VTI1A: variants seen among roughly 807,000 people sequenced by gnomAD.
The protein encoded by VTI1A is vesicle transport through interaction with t-SNAREs homolog 1A.
A neutral mutation model predicts 34.9 loss-of-function variants in VTI1A; 22 were observed. The observed-to-expected ratio is 0.63, with a 90% confidence interval of 0.45 to 0.90. The LOEUF is 0.90. VTI1A is among the 40% of genes least tolerant of loss of function. The pLI is 0.00. For missense variants in VTI1A, 268 were observed against 275.6 expected, an observed-to-expected ratio of 0.97 and a Z score of 0.20; for synonymous variants, 87 against 97.3, an observed-to-expected ratio of 0.89 and a Z score of 0.62.
intron 3 of VTI1A, among the ~76,000 whole-genome samples, chr10:112,491,850 A>G (rs911744033): frequency 7.9e-5 from 12 of 152,302 alleles, no homozygotes; most frequent in African/African-American, 2.9e-4. Context: ...CCACTTTTCC[A>G]GGAGCCTGTT....
intron 7 of VTI1A, among the ~76,000 whole-genome samples, chr10:112,770,051 C>G (rs1384913051): frequency 2.0e-5 from 3 of 151,182 alleles, no homozygotes; most frequent in African/African-American, 7.3e-5. Flanking sequence ...ATGTTGGCAA[C>G]GATTTTTTTT....
chr10:112,813,051 C>T (rs1389321253), intron 7 of VTI1A, among the ~76,000 whole-genome samples: 5 of 152,190 alleles, frequency 3.3e-5, no homozygotes, highest in Non-Finnish European at 5.9e-5. Context: ...GTGTGCAACG[C>T]GACTGTGCCA....
the VTI1A span, among the ~76,000 whole-genome samples, chr10:112,830,223 A>G: frequency 6.6e-6 from 1 of 152,104 alleles, no homozygotes; most frequent in Admixed American, 6.5e-5. Flanking sequence ...CTGACTTGGC[A>G]TAGCCTTTCG....
At chr10:112,784,663 C>T (rs1489126541) in intron 7 of VTI1A, among the ~76,000 whole-genome samples, 1 of 152,166 alleles carries the variant, frequency 6.6e-6, no homozygotes, top group African/African-American at 2.4e-5. Flanking sequence ...TGTACTTAGC[C>T]TGTTCACAAA....
chr10:112,600,319 T>A (rs1844832866), intron 5 of VTI1A, among the ~76,000 whole-genome samples: 1 of 152,224 alleles, frequency 6.6e-6, no homozygotes, highest in African/African-American at 2.4e-5. Flanking sequence ...AAGGATCTTC[T>A]GATCAAAACT....
intron 7 of VTI1A, chr10:112,736,700 G>A: frequency 6.4e-7 from 1 of 1,551,684 alleles, no homozygotes; most frequent in Non-Finnish European, 8.7e-7. Context: ...TGCTACATAA[G>A]GATTTCTCTT....
the VTI1A span, among the ~76,000 whole-genome samples, chr10:112,829,137 A>T: frequency 6.6e-6 from 1 of 152,076 alleles, no homozygotes; most frequent in African/African-American, 2.4e-5. Context: ...CATTTGAAAC[A>T]TTGATTTTTA....
chr10:112,537,902 A>G (rs968974501), intron 4 of VTI1A, among the ~76,000 whole-genome samples: 1 of 152,212 alleles, frequency 6.6e-6, no homozygotes, highest in African/African-American at 2.4e-5. Context: ...TAGGGAACGT[A>G]GATCTATGCA....
At chr10:112,772,594 A>G (rs189207805) in intron 7 of VTI1A, among the ~76,000 whole-genome samples, 1 of 152,332 alleles carries the variant, frequency 6.6e-6, no homozygotes, top group East Asian at 1.9e-4. Context: ...TTGGTGTCAC[A>G]TCTAAGAGTC....
At chr10:112,626,929 T>C (rs1845943813) in intron 5 of VTI1A, among the ~76,000 whole-genome samples, 1 of 152,242 alleles carries the variant, frequency 6.6e-6, no homozygotes, top group Admixed American at 6.5e-5. Context: ...CAGACTGGTA[T>C]AGTGTTTAAC....
the VTI1A span, chr10:112,831,149 G>T: frequency 7.2e-5 from 11 of 152,008 alleles, no homozygotes; most frequent in Admixed American, 7.2e-4. Flanking sequence ...GTGGCACATA[G>T]TGAGTTCTCA....
At position 112,676,397 on chromosome 10, in the gene VTI1A, G is replaced by A. The variant is rs1848028227; in HGVS notation, c.560+7399G>A. 2.0e-5 allele frequency among the ~76,000 whole-genome samples: 3 copies of A among 152,024 alleles called. No homozygotes were observed. The South Asian group carries it at 6.2e-4, about 32-fold the overall frequency. ...CATTTAGGCTGTTTAGGGAGGGGGG[G>A]CTCCTAGTTGGTCTCTGTGCTTCTT... On this transcript the variant is annotated intron_variant, in intron 7 of 7. Coordinates refer to ENST00000393077, the MANE Select transcript of VTI1A (RefSeq NM_145206.4).
At position 112,618,524 on chromosome 10, in the gene VTI1A, T is replaced by TAGAG. The variant is rs6144094; in HGVS notation, c.428-49673_428-49670dup. 2.9e-3 allele frequency among the ~76,000 whole-genome samples: 99 copies of TAGAG among 34,574 alleles called. 1 individual carries two copies. Among genetic ancestry groups the TAGAG allele is most frequent in the East Asian group, 0.021 (15 of 708 alleles). 22.7% of individuals were successfully genotyped at this position (34,574 alleles called of 152,430 possible). On this transcript the variant is annotated intron_variant, in intron 5 of 7. Coordinates refer to ENST00000393077, the MANE Select transcript of VTI1A (RefSeq NM_145206.4). The stretch of plus-strand genomic sequence containing the variant: ...ATATATATATATATATATATATATA[T>TAGAG]AGAGAGAGAGAGAGAGAGAGAGAGT...
intron 7 of VTI1A, among the ~76,000 whole-genome samples, chr10:112,705,917 G>A (rs529771787): frequency 7.5e-4 from 110 of 146,052 alleles, no homozygotes; most frequent in Non-Finnish European, 1.3e-3. Flanking sequence ...GCATGTCTAC[G>A]ATTGTCATTT....
At chr10:112,773,089 G>A (rs1851860572) in intron 7 of VTI1A, among the ~76,000 whole-genome samples, 1 of 152,074 alleles carries the variant, frequency 6.6e-6, no homozygotes, top group African/African-American at 2.4e-5. Context: ...TACCATTTCT[G>A]GGCCTTTTGG....
In VTI1A at chr10:112,644,924, A is replaced by G. The variant is rs535593927; in HGVS notation, c.428-23294A>G. On this transcript the variant is annotated intron_variant, in intron 5 of 7. Coordinates refer to ENST00000393077, the MANE Select transcript of VTI1A (RefSeq NM_145206.4). ...TAGTTAGACATAGTAACAAAATAGT[A>G]CAATTATTTGATATTTATTGTGCTT... 8.5e-5 allele frequency among the ~76,000 whole-genome samples: 13 copies of G among 152,352 alleles called. No homozygotes were observed. The East Asian group carries it at 2.5e-3, about 29-fold the overall frequency.
chr10:112,519,927 T>C (rs1249446674), intron 3 of VTI1A, among the ~76,000 whole-genome samples: 1 of 152,040 alleles, frequency 6.6e-6, no homozygotes, highest in East Asian at 1.9e-4. Context: ...AGGCAGATGA[T>C]ATAGAGAAAC....
intron 7 of VTI1A, among the ~76,000 whole-genome samples, chr10:112,747,595 T>A (rs1850942933): frequency 6.6e-6 from 1 of 152,256 alleles, no homozygotes; most frequent in African/African-American, 2.4e-5. Context: ...TGTTTTGTTT[T>A]GTTTTCTCTT....
chr10:112,724,799 A>G (rs891253658), intron 7 of VTI1A, among the ~76,000 whole-genome samples: 51 of 145,258 alleles, frequency 3.5e-4, no homozygotes, highest in African/African-American at 1.0e-3. Flanking sequence ...AAAAAAAAAA[A>G]GAAAAAAAAA....
Sources: allele counts gnomAD v4.1 joint callset (sites outside exome capture counted in the v4.1 genomes callset), GRCh38; gene constraint gnomAD v4.1.1; transcripts MANE v1.5; gene names NCBI Gene and HGNC (gene_info 2026-07-23, HGNC 2026-07-21).